The following GFPT2 variants were observed in gnomAD, a reference collection of about 807,000 sequenced individuals.
GFPT2 encodes the protein glutamine--fructose-6-phosphate aminotransferase [isomerizing] 2.
In GFPT2, 62 loss-of-function variants were observed where a neutral mutation model predicts 85.6. The observed-to-expected ratio is 0.72, with a 90% confidence interval of 0.59 to 0.90. The LOEUF (loss-of-function observed/expected upper bound fraction) is 0.90. Among genes scored for constraint, GFPT2 ranks in the 40% least tolerant of loss-of-function variants. GFPT2 has a pLI of 0.00. For missense variants in GFPT2, 788 were observed against 893.4 expected (o/e 0.88, Z 1.50); for synonymous variants, 368 against 344.5 (o/e 1.07, Z -0.75).
At chr5:180,352,238 G>T (rs777839515) in intron 1 of GFPT2, 2 of 355,096 alleles carry the variant, frequency 5.6e-6, no homozygotes, top group Non-Finnish European at 1.1e-5. Flanking sequence ...ACCCCACCCC[G>T]GCCCTCAGCA....
At chr5:180,320,908 G>C (rs1764106316) in intron 9 of GFPT2, among the ~76,000 whole-genome samples, 1 of 152,162 alleles carries the variant, frequency 6.6e-6, no homozygotes, top group African/African-American at 2.4e-5. Flanking sequence ...CCAGATCCTA[G>C]GGAAGAAAGA....
At chr5:180,346,933 G>A (rs560170853) in intron 1 of GFPT2, among the ~76,000 whole-genome samples, 6 of 152,330 alleles carry the variant, frequency 3.9e-5, no homozygotes, top group African/African-American at 1.4e-4. Context: ...TTCTTTGGGG[G>A]AAAGTTTTCC....
In GFPT2 at chr5:180,330,187, G is replaced by A. The variant is rs539398191; in HGVS notation, c.534+513C>T. On this transcript the variant is annotated intron_variant, in intron 6 of 18. Coordinates refer to ENST00000253778, the MANE Select transcript of GFPT2 (RefSeq NM_005110.4). The surrounding 1 kb of genome is among the most constrained non-coding windows in gnomAD (Gnocchi z 4.4). The stretch of plus-strand genomic sequence containing the variant: ...AGTACAAAAATTAGCCAGGTGTGGT[G>A]GTGCGTGCCTGTAGTCTCAGCTAAC... Among the ~76,000 whole-genome samples the A allele has an allele frequency of 4.6e-4, 70 of 152,256 alleles. No individual in the cohort carries two copies. The highest frequency in any genetic ancestry group is 1.1e-3 in the Admixed American group (17 of 15,288).
Position 180,302,419 on chromosome 5 carries a change from G to T in GFPT2, c.2004+4C>A, listed in dbSNP as rs373053816. 3 of 1,610,974 alleles carry T rather than the reference G, an allele frequency of 1.9e-6. No homozygotes were observed. The highest frequency in any genetic ancestry group is 2.2e-5 in the South Asian group (2 of 90,930). ...CTGCTGTTAGGTGCAGTTTTTAGAC[G>T]CACGTCATATCCTCGGAGAACAGCC... On this transcript the variant is annotated splice_donor_region_variant and intron_variant, in intron 18 of 18. Coordinates refer to ENST00000253778, the MANE Select transcript of GFPT2 (RefSeq NM_005110.4).
At chr5:180,319,391 C>A (rs11249704) in intron 9 of GFPT2, among the ~76,000 whole-genome samples, 1 of 152,080 alleles carries the variant, frequency 6.6e-6, no homozygotes, top group East Asian at 1.9e-4. Flanking sequence ...ACTCGAGAAC[C>A]AACACATTAT....
rs751971206 is a variant in GFPT2 at position 180,330,874 on chromosome 5, T to G, written c.400-40A>C. The G allele has an allele frequency of 2.5e-6, 4 of 1,601,230 alleles. No individual in the cohort carries two copies. The highest frequency in any genetic ancestry group is 3.4e-6 in the Non-Finnish European group (4 of 1,169,506). On this transcript the variant is annotated intron_variant, in intron 5 of 18. Transcript: ENST00000253778. This position sits in a 1 kb window ranked among gnomAD's most constrained non-coding sequence, Gnocchi z 4.4. Reference sequence around the variant, plus strand: ...CGGCACAGTGTGAGAGATTGGTCATTGCACAATGCCTGCCTGGCCAACTCC... The same window carrying G: ...CGGCACAGTGTGAGAGATTGGTCATGGCACAATGCCTGCCTGGCCAACTCC...
At chr5:180,342,035 G>T (rs533044886) in intron 1 of GFPT2, among the ~76,000 whole-genome samples, 2 of 152,098 alleles carry the variant, frequency 1.3e-5, no homozygotes, top group African/African-American at 4.8e-5. Context: ...TGCTGTTCTC[G>T]TGAGAGTGAA....
Position 180,330,966 on chromosome 5 carries a change from G to A in GFPT2, c.400-132C>T, listed in dbSNP as rs1333536525. The A allele has an allele frequency of 1.3e-6, 1 of 796,528 alleles. No homozygotes were observed. Among genetic ancestry groups the A allele is most frequent in the Non-Finnish European group, 2.0e-6 (1 of 509,248 alleles). 49.3% of individuals were successfully genotyped at this position (796,528 alleles called of 1,614,324 possible). ...AGAACAGGGAAAACCGGGAAGGGGG[G>A]AAAAATGTTTGCCAGCATCACAGCC... On this transcript the variant is annotated intron_variant, in intron 5 of 18. Transcript: ENST00000253778. This position sits in a 1 kb window ranked among gnomAD's most constrained non-coding sequence, Gnocchi z 4.4.
chr5:180,316,221 T>G lies in GFPT2; in HGVS notation c.1273+120A>C, dbSNP rs1764005694. 28 of 1,006,286 alleles carry G rather than the reference T, an allele frequency of 2.8e-5. 1 individual carries two copies. The South Asian group carries it at 4.0e-4, about 14-fold the overall frequency. The allele number at this position is 1,006,286 out of a possible 1,614,324, so 62.3% of individuals were successfully genotyped here. ...ATGGCTCTACGGGTTAAATGACCGC[T>G]GCAAGAGAGGGTTCGCAGCACAGGG... On this transcript the variant is annotated intron_variant, in intron 13 of 18. Coordinates refer to ENST00000253778, the MANE Select transcript of GFPT2 (RefSeq NM_005110.4).
At position 180,303,103 on chromosome 5, in the gene GFPT2, G is replaced by A. The variant is rs1054538982; in HGVS notation, c.1843-519C>T. 5.0e-4 allele frequency among the ~76,000 whole-genome samples: 73 copies of A among 145,454 alleles called. 4 individuals are homozygous for A. The highest frequency in any genetic ancestry group is 1.7e-3 in the African/African-American group (70 of 40,952). ...AAATTAGCCGGGTGTGGTGGCGGGG[G>A]CCTGTAGTCCCAGCTACTGGGGAGG... On this transcript the variant is annotated intron_variant, in intron 17 of 18. Transcript: ENST00000253778.
intron 10 of GFPT2, among the ~76,000 whole-genome samples, chr5:180,317,912 G>A (rs973928602): frequency 6.6e-6 from 1 of 152,098 alleles, no homozygotes; most frequent in Non-Finnish European, 1.5e-5. Flanking sequence ...AGGGCAGGCC[G>A]TGTTCTCTAG....
intron 1 of GFPT2, among the ~76,000 whole-genome samples, chr5:180,343,540 G>A (rs1264435022): frequency 6.6e-6 from 1 of 152,268 alleles, no homozygotes; most frequent in African/African-American, 2.4e-5. Flanking sequence ...CTCTTGCGTA[G>A]TGACATCCCT....
At chr5:180,303,229 C>CAA (rs5873683) in intron 17 of GFPT2, among the ~76,000 whole-genome samples, 1 of 118,724 alleles carries the variant, frequency 8.4e-6, no homozygotes, top group Non-Finnish European at 1.9e-5. Context: ...GACTCCGTCA[C>CAA]AAAAAAAAAA....
intron 1 of GFPT2, among the ~76,000 whole-genome samples, chr5:180,351,837 G>C (rs1200180462): frequency 6.6e-6 from 1 of 152,258 alleles, no homozygotes; most frequent in African/African-American, 2.4e-5. Flanking sequence ...GAAGGGGAAG[G>C]GGAGCCTCTG....
intron 1 of GFPT2, among the ~76,000 whole-genome samples, chr5:180,352,020 A>C (rs1764719025): frequency 6.6e-6 from 1 of 152,196 alleles, no homozygotes; most frequent in African/African-American, 2.4e-5. Context: ...AAACACCCAA[A>C]GGTGGCTCTA....
At chr5:180,311,125 CT>C (rs1371808456) in intron 15 of GFPT2, among the ~76,000 whole-genome samples, 1 of 152,250 alleles carries the variant, frequency 6.6e-6, no homozygotes, top group Non-Finnish European at 1.5e-5. Flanking sequence ...ACTGCCTGCT[CT>C]GGGGTTTGGC....
At chr5:180,343,364 G>A (rs908666755) in intron 1 of GFPT2, among the ~76,000 whole-genome samples, 4 of 152,208 alleles carry the variant, frequency 2.6e-5, no homozygotes, top group Non-Finnish European at 4.4e-5. Flanking sequence ...GGGGGCATAA[G>A]GGGTCCTTGT....
intron 1 of GFPT2, among the ~76,000 whole-genome samples, chr5:180,344,388 A>G (rs1764570793): frequency 6.6e-6 from 1 of 152,064 alleles, no homozygotes; most frequent in South Asian, 2.1e-4. Flanking sequence ...ATGTGCCCCT[A>G]TGTGAATTAG....
chr5:180,348,535 AG>A (rs1013202496), intron 1 of GFPT2, among the ~76,000 whole-genome samples: 1 of 152,198 alleles, frequency 6.6e-6, no homozygotes, highest in African/African-American at 2.4e-5. Context: ...AAGACAGAGG[AG>A]CCTGCGGGCC....
Sources: allele counts gnomAD v4.1 joint callset (sites outside exome capture counted in the v4.1 genomes callset), GRCh38; gene constraint gnomAD v4.1.1; non-coding constraint Gnocchi (gnomAD v3.1); transcripts MANE v1.5; gene names NCBI Gene and HGNC (gene_info 2026-07-23, HGNC 2026-07-21).